ADAMTS9: variants seen among roughly 807,000 people sequenced by gnomAD.
ADAMTS9 encodes the protein A disintegrin and metalloproteinase with thrombospondin motifs 9.
Under a neutral mutation model 257.1 loss-of-function variants are expected in ADAMTS9, and 107 were observed. The ratio of observed to expected loss-of-function variants is 0.42; its 90% confidence interval spans 0.36 to 0.49. The LOEUF is 0.49. Ranked by LOEUF, ADAMTS9 falls within the 20% of genes least tolerant of loss-of-function variation. The pLI is 0.03. For synonymous variants in ADAMTS9, 982 were observed against 880.9 expected (o/e 1.11, Z -2.03); for missense variants, 2,353 against 2,469.1 (o/e 0.95, Z 1.00).
intron 3 of ADAMTS9, among the ~76,000 whole-genome samples, chr3:64,679,046 T>C (rs796176460): frequency 2.6e-5 from 4 of 152,278 alleles, no homozygotes; most frequent in African/African-American, 7.2e-5. Flanking sequence ...CCAACCTTAA[T>C]AACGACTGGA....
At chr3:64,556,164 G>C (rs762681041) in intron 30 of ADAMTS9, among the ~76,000 whole-genome samples, 1 of 152,118 alleles carries the variant, frequency 6.6e-6, no homozygotes, top group African/African-American at 2.4e-5. Context: ...GTATGTATCA[G>C]AGTGGCCCAA....
At position 64,655,947 on chromosome 3, in the gene ADAMTS9, T is replaced by C. The variant is rs972410358; in HGVS notation, c.970-72A>G. The C allele has an allele frequency of 1.5e-5, 14 of 946,376 alleles. No homozygotes were observed. In the Admixed American group the frequency reaches 2.9e-4, roughly 19 times the overall value. 58.6% of individuals were successfully genotyped at this position (946,376 alleles called of 1,614,324 possible). On this transcript the variant is annotated intron_variant, in intron 4 of 39. Coordinates refer to ENST00000498707, the MANE Select transcript of ADAMTS9 (RefSeq NM_182920.2). ...AGCAATAAGCAAGTCACGTCTTACG[T>C]TGGGCTCCACCTCTTTTTTACGTTT...
chr3:64,558,906 C>G (rs942102011), intron 30 of ADAMTS9, among the ~76,000 whole-genome samples: 6 of 152,070 alleles, frequency 3.9e-5, no homozygotes, highest in African/African-American at 1.4e-4. Context: ...CAAGACGTCA[C>G]TAGGTGTGGG....
At chr3:64,598,911 C>T (rs1395351763) in intron 26 of ADAMTS9, among the ~76,000 whole-genome samples, 2 of 152,122 alleles carry the variant, frequency 1.3e-5, no homozygotes, top group African/African-American at 4.8e-5. Flanking sequence ...TTCCATAGTG[C>T]TGGTCACAGG....
chr3:64,554,615 G>A (rs1444028354), intron 30 of ADAMTS9, among the ~76,000 whole-genome samples: 1 of 152,120 alleles, frequency 6.6e-6, no homozygotes, highest in African/African-American at 2.4e-5. Context: ...TTTCCAAAAG[G>A]TTTTCTCTAA....
chr3:64,594,240 G>A lies in ADAMTS9; in HGVS notation c.4356+18C>T. On this transcript the variant is annotated intron_variant, in intron 28 of 39. Coordinates refer to ENST00000498707, the MANE Select transcript of ADAMTS9 (RefSeq NM_182920.2). ...ATTAGATAGTTTGGTTAACAAACAT[G>A]AATAGTTAGGGCCGTACCGAGCTCC... is the stretch of plus-strand genomic sequence containing the variant. 1 of 1,602,176 alleles carries A rather than the reference G, an allele frequency of 6.2e-7. No individual in the cohort carries two copies. The highest frequency in any genetic ancestry group is 8.5e-7 in the Non-Finnish European group (1 of 1,172,508).
At chr3:64,679,021 T>C (rs552184967) in intron 3 of ADAMTS9, among the ~76,000 whole-genome samples, 1 of 152,260 alleles carries the variant, frequency 6.6e-6, no homozygotes, top group South Asian at 2.1e-4. Flanking sequence ...ATTTGGAAGG[T>C]GGTAATTAAA....
chr3:64,630,533 C>T (rs1318734605), intron 16 of ADAMTS9, among the ~76,000 whole-genome samples: 1 of 152,164 alleles, frequency 6.6e-6, no homozygotes, highest in African/African-American at 2.4e-5. Context: ...GCTGTGATCA[C>T]ACCACTGCAC....
At position 64,516,314 on chromosome 3, in the gene ADAMTS9, G is replaced by A. The variant is rs2082774262; in HGVS notation, c.*813C>T. 6.6e-6 allele frequency: 1 copy of A among 152,492 alleles called. No homozygotes were observed. 9.4% of individuals were successfully genotyped at this position (152,492 alleles called of 1,614,324 possible). ...GGGGGATCCTCCATTTGATTGTGGA[G>A]AGACCAAGGCACCGTGGGCTGAAGC... On this transcript the variant is annotated 3_prime_UTR_variant, in exon 40 of 40. Coordinates refer to ENST00000498707, the MANE Select transcript of ADAMTS9 (RefSeq NM_182920.2).
At chr3:64,669,184 A>T (rs565001652) in intron 3 of ADAMTS9, among the ~76,000 whole-genome samples, 3 of 152,144 alleles carry the variant, frequency 2.0e-5, no homozygotes, top group Admixed American at 2.0e-4. Flanking sequence ...TGTACACTCA[A>T]CTCTCGATAT....
chr3:64,566,084 C>G (rs2083538958), intron 29 of ADAMTS9, among the ~76,000 whole-genome samples: 1 of 152,168 alleles, frequency 6.6e-6, no homozygotes, highest in Non-Finnish European at 1.5e-5. Context: ...GACAGGATGA[C>G]TAGGCTGTAA....
intron 8 of ADAMTS9, among the ~76,000 whole-genome samples, chr3:64,653,979 CT>C (rs35289343): frequency 0.18 from 27,039 of 152,118 alleles, 3,393 homozygotes; most frequent in East Asian, 0.54. Flanking sequence ...GTGGGGGACC[CT>C]CCTAGACAAA....
At chr3:64,591,364 C>T (rs1156314893) in intron 28 of ADAMTS9, among the ~76,000 whole-genome samples, 5 of 151,682 alleles carry the variant, frequency 3.3e-5, no homozygotes, top group Non-Finnish European at 7.4e-5. Context: ...CACTTGAACC[C>T]GGGAGGAGGA....
chr3:64,538,430 T>G (rs1270258986), intron 37 of ADAMTS9, among the ~76,000 whole-genome samples: 9 of 151,788 alleles, frequency 5.9e-5, no homozygotes, highest in Non-Finnish European at 1.3e-4. Context: ...ATTGGTTTCA[T>G]GCTTACTCTG....
intron 32 of ADAMTS9, among the ~76,000 whole-genome samples, chr3:64,543,942 G>A (rs1411929511): frequency 1.3e-5 from 2 of 152,154 alleles, no homozygotes; most frequent in African/African-American, 4.8e-5. Context: ...AATACAATGT[G>A]CAAAAATCAC....
Position 64,659,031 on chromosome 3 carries a change from C to T in ADAMTS9, c.680-240G>A, listed in dbSNP as rs577283428. Among the ~76,000 whole-genome samples the T allele has an allele frequency of 9.9e-5, 15 of 152,208 alleles. No homozygotes were observed. The South Asian group carries it at 2.9e-3, about 29-fold the overall frequency. On this transcript the variant is annotated intron_variant, in intron 3 of 39. Transcript: ENST00000498707. ...GCTTACGGTATTAGAAAATCAGGCC[C>T]GAGCTTAAGGGAAACAATTGCACGT...
chr3:64,574,978 C>T (rs1039196579), intron 28 of ADAMTS9, among the ~76,000 whole-genome samples: 1 of 152,162 alleles, frequency 6.6e-6, no homozygotes, highest in Non-Finnish European at 1.5e-5. Flanking sequence ...CCTTTAGTGC[C>T]TGTGAAGAAA....
intron 29 of ADAMTS9, among the ~76,000 whole-genome samples, chr3:64,567,480 C>T (rs1287621912): frequency 1.3e-5 from 2 of 152,102 alleles, no homozygotes; most frequent in Non-Finnish European, 2.9e-5. Context: ...GCACCTTCAA[C>T]CAAACTAAGA....
At chr3:64,641,777 C>T (rs1042867548) in intron 12 of ADAMTS9, 71 bp downstream of exon 12, 8 of 1,582,202 alleles carry the variant, frequency 5.1e-6, no homozygotes, top group Non-Finnish European at 6.9e-6. Flanking sequence ...CTTCACCCAC[C>T]AAATTATTCC....
Sources: allele counts gnomAD v4.1 joint callset (sites outside exome capture counted in the v4.1 genomes callset), GRCh38; gene constraint gnomAD v4.1.1; transcripts MANE v1.5; gene names NCBI Gene and HGNC (gene_info 2026-07-23, HGNC 2026-07-21).